The following DNAJC6 variants were observed in gnomAD, a reference collection of about 807,000 sequenced individuals.
The protein encoded by DNAJC6 is auxilin.
A neutral mutation model predicts 110.0 loss-of-function variants in DNAJC6; 34 were observed. That is an observed-to-expected ratio of 0.31 (90% CI 0.24 to 0.41). DNAJC6 has a LOEUF of 0.41. DNAJC6 is among the 10% of genes least tolerant of loss of function. The pLI is 1.00. For synonymous variants in DNAJC6, 406 were observed against 437.2 expected (o/e 0.93, Z 0.89); for missense variants, 1,031 against 1,207.8 (o/e 0.85, Z 2.17).
At chr1:65,408,489 T>A (rs948123778) in intron 16 of DNAJC6, 152 bp from the exon 17 acceptor site, 1 of 793,210 alleles carries the variant, frequency 1.3e-6, no homozygotes, top group Non-Finnish European at 2.0e-6. Context: ...GATGCAACAG[T>A]CTCTTACCCT....
At chr1:65,356,453 A>C (rs1645544414) in intron 1 of DNAJC6, among the ~76,000 whole-genome samples, 1 of 151,704 alleles carries the variant, frequency 6.6e-6, no homozygotes, top group Non-Finnish European at 1.5e-5. Flanking sequence ...AATCCCAGCT[A>C]CTCGGGAGGC....
At chr1:65,267,899 TGTG>T (rs1653389294) in intron 1 of DNAJC6, among the ~76,000 whole-genome samples, 2 of 151,766 alleles carry the variant, frequency 1.3e-5, no homozygotes, top group Non-Finnish European at 2.9e-5. Flanking sequence ...TGTGTGTGTG[TGTG>T]TGTGTGTGTA....
chr1:65,373,551 A>G (rs920220695), intron 4 of DNAJC6, among the ~76,000 whole-genome samples: 4 of 151,624 alleles, frequency 2.6e-5, no homozygotes, highest in African/African-American at 9.7e-5. Flanking sequence ...ATTTTTTCAT[A>G]TAACTGTATG....
chr1:65,386,003 C>G, intron 7 of DNAJC6, 97 bp downstream of exon 7: 2 of 1,216,488 alleles, frequency 1.6e-6, no homozygotes, highest in Non-Finnish European at 1.1e-6. Flanking sequence ...AAGACTATAT[C>G]ATTGTGAAAT....
chr1:65,345,514 T>G (rs1369646489), intron 1 of DNAJC6: 1 of 253,166 alleles, frequency 3.9e-6, no homozygotes, highest in African/African-American at 2.3e-5. Context: ...GAGTCAGTGT[T>G]GTGAATCCAG....
intron 1 of DNAJC6, chr1:65,278,870 A>G (rs1369547938): frequency 4.1e-6 from 3 of 734,498 alleles, no homozygotes; most frequent in South Asian, 1.2e-4. Context: ...AGGGGTGGGG[A>G]AGAATCTGGC....
chr1:65,287,872 G>T (rs1004737850), intron 1 of DNAJC6, among the ~76,000 whole-genome samples: 3 of 152,098 alleles, frequency 2.0e-5, no homozygotes, highest in Admixed American at 2.0e-4. Flanking sequence ...CTAAAGTGTC[G>T]GGATAACAGG....
intron 15 of DNAJC6, among the ~76,000 whole-genome samples, chr1:65,404,133 T>C (rs1016129351): frequency 6.6e-6 from 1 of 152,160 alleles, no homozygotes; most frequent in Non-Finnish European, 1.5e-5. Flanking sequence ...CTCTGGGACA[T>C]AGGAAGAAGG....
intron 1 of DNAJC6, among the ~76,000 whole-genome samples, chr1:65,281,277 A>G (rs1653835014): frequency 6.6e-6 from 1 of 152,166 alleles, no homozygotes; most frequent in Non-Finnish European, 1.5e-5. Context: ...CTTTTTTAAA[A>G]TTGAGATATA....
In DNAJC6 at chr1:65,385,704, T is replaced by TG; in HGVS notation, c.801-7dup. The TG allele has an allele frequency of 6.3e-7, 1 of 1,576,974 alleles. No homozygotes were observed. Among genetic ancestry groups the TG allele is most frequent in the South Asian group, 1.1e-5 (1 of 87,138 alleles). ...GGGCCCCAAGAGAGTGCCAACCTTCTGTTTCAGATACCTGGGCTATATGTG... is the reference window on the plus strand; with the variant it reads ...GGGCCCCAAGAGAGTGCCAACCTTCTGGTTTCAGATACCTGGGCTATATGTG... On this transcript the variant is annotated splice_region_variant and splice_polypyrimidine_tract_variant and intron_variant, in intron 6 of 18. Coordinates refer to ENST00000371069, the MANE Select transcript of DNAJC6 (RefSeq NM_001256864.2).
chr1:65,398,383 A>T (rs560625098), intron 13 of DNAJC6, among the ~76,000 whole-genome samples: 2 of 152,330 alleles, frequency 1.3e-5, no homozygotes, highest in African/African-American at 4.8e-5. Flanking sequence ...GCAAAGGTAA[A>T]CTGAGCTTAA....
At chr1:65,271,909 A>G (rs1433063129) in intron 1 of DNAJC6, among the ~76,000 whole-genome samples, 2 of 151,856 alleles carry the variant, frequency 1.3e-5, no homozygotes, top group South Asian at 2.1e-4. Flanking sequence ...TTGATTTTAT[A>G]TGTTGACCTT....
In DNAJC6 at chr1:65,405,982, G is replaced by T. The variant is rs1438006876; in HGVS notation, c.2340G>T (p.Gln780His). The change falls in exon 16 of 19, where the codon CAG (glutamine) becomes CAT (histidine). Residue 780 changes from glutamine to histidine, a missense_variant. Transcript: ENST00000371069. ...CCCAGCCTATGGGTGGCGGGTGGCA[G>T]CAGGGAGGTGCCTACAACTGGCAGC... ...ASPQPMGGGW[Q>H]QGGAYNWQQP... 6.2e-7 allele frequency: 1 copy of T among 1,614,108 alleles called. No individual in the cohort carries two copies. Among genetic ancestry groups the T allele is most frequent in the African/African-American group, 1.3e-5 (1 of 74,928 alleles).
chr1:65,336,223 A>G (rs1645335002), intron 1 of DNAJC6, among the ~76,000 whole-genome samples: 1 of 152,146 alleles, frequency 6.6e-6, no homozygotes, highest in Admixed American at 6.5e-5. Context: ...AGCAAGGAGA[A>G]GTGCCAAGCA....
intron 4 of DNAJC6, among the ~76,000 whole-genome samples, chr1:65,368,528 T>C (rs1193732835): frequency 6.6e-6 from 1 of 151,220 alleles, no homozygotes; most frequent in Admixed American, 6.6e-5. Flanking sequence ...TCCTTCCGTT[T>C]TCCTTCCCTT....
intron 1 of DNAJC6, among the ~76,000 whole-genome samples, chr1:65,283,180 G>T (rs887978248): frequency 6.6e-5 from 10 of 152,140 alleles, no homozygotes; most frequent in African/African-American, 2.4e-4. Context: ...ATGTGTGTGT[G>T]TTTATGTTTG....
At position 65,379,534 on chromosome 1, in the gene DNAJC6, C is replaced by T. The variant is rs373591833; in HGVS notation, c.666+10C>T. ...TGTTGTCCACTGCTTGGTGAGTAAC[C>T]TTTTGTTGTTGGTGGTGATGGTTTG... On this transcript the variant is annotated intron_variant, in intron 5 of 18. Coordinates refer to ENST00000371069, the MANE Select transcript of DNAJC6 (RefSeq NM_001256864.2). 6 of 1,613,488 alleles carry T rather than the reference C, an allele frequency of 3.7e-6. No homozygotes were observed. The highest frequency in any genetic ancestry group is 4.2e-6 in the Non-Finnish European group (5 of 1,179,706).
chr1:65,413,124 T>C lies in DNAJC6; in HGVS notation c.*99T>C, dbSNP rs1371285041. 5 of 938,604 alleles carry C rather than the reference T, an allele frequency of 5.3e-6. No individual in the cohort carries two copies. The Admixed American group carries it at 1.1e-4, about 20-fold the overall frequency. The allele number at this position is 938,604 out of a possible 1,614,324, so 58.1% of individuals were successfully genotyped here. A position where few individuals can be genotyped will look rare whatever the true frequency, so the allele number is the denominator to read the frequency against. ...AGATGAACCAAAAACTCCAGTAACA[T>C]GTTTTCAGTACTAAACCGTTAAGTT... is the stretch of plus-strand genomic sequence containing the variant. On this transcript the variant is annotated 3_prime_UTR_variant, in exon 19 of 19. Transcript: ENST00000371069.
Position 65,364,655 on chromosome 1 carries a change from G to C in DNAJC6, c.214G>C (p.Glu72Gln). 1 of 1,609,188 alleles carries C rather than the reference G, an allele frequency of 6.2e-7. No homozygotes were observed. The highest frequency in any genetic ancestry group is 8.5e-7 in the Non-Finnish European group (1 of 1,178,598). ...GGCAGGTGCCTCATCTCCAGACATGGAGCCCAGCTATGGGGGAGGTCTCTT... is the reference window on the plus strand; with the variant it reads ...GGCAGGTGCCTCATCTCCAGACATGCAGCCCAGCTATGGGGGAGGTCTCTT... ...DSSGASSPDMEPSYGGGLFDM... is the reference protein window; with the variant it reads ...DSSGASSPDMQPSYGGGLFDM... The change falls in exon 2 of 19, where the codon GAG becomes CAG. Residue 72 changes from glutamate to glutamine, a missense_variant. By Grantham distance (29) the Glu-to-Gln change is conservative (BLOSUM62 2). Transcript: ENST00000371069.
Sources: allele counts gnomAD v4.1 joint callset (sites outside exome capture counted in the v4.1 genomes callset), GRCh38; gene constraint gnomAD v4.1.1; transcripts MANE v1.5; gene names NCBI Gene and HGNC (gene_info 2026-07-23, HGNC 2026-07-21).